HDAC4: variants seen among roughly 807,000 people sequenced by gnomAD.
HDAC4 encodes the protein histone deacetylase 4, also known as histone deacetylase A.
Under a neutral mutation model 135.1 loss-of-function variants are expected in HDAC4, and 16 were observed. The observed-to-expected ratio is 0.12, with a 90% confidence interval of 0.08 to 0.18. The LOEUF is 0.18. Ranked by LOEUF, HDAC4 falls within the 10% of genes least tolerant of loss-of-function variation. HDAC4 has a pLI of 1.00. For missense variants in HDAC4, 1,143 were observed against 1,511.8 expected (o/e 0.76, Z 4.05); for synonymous variants, 685 against 653.4 (o/e 1.05, Z -0.74).
chr2:239,133,489 C>A (rs113070704), intron 11 of HDAC4, among the ~76,000 whole-genome samples: 1 of 152,202 alleles, frequency 6.6e-6, no homozygotes, highest in Non-Finnish European at 1.5e-5. Context: ...ATTTTTGAGA[C>A]GGAGTCTCGC....
At chr2:239,322,382 C>CCTCTGT (rs1345332285) in intron 2 of HDAC4, among the ~76,000 whole-genome samples, 1 of 152,250 alleles carries the variant, frequency 6.6e-6, no homozygotes, top group African/African-American at 2.4e-5. Flanking sequence ...TTTCTCAATG[C>CCTCTGT]CTCTGTTTTC....
At chr2:239,148,916 TG>T (rs1267324947) in intron 7 of HDAC4, among the ~76,000 whole-genome samples, 2 of 151,854 alleles carry the variant, frequency 1.3e-5, no homozygotes, top group African/African-American at 4.8e-5. Context: ...ACTAAGCAAA[TG>T]AAAAAAATGA....
At chr2:239,149,166 C>G (rs920264430) in intron 7 of HDAC4, among the ~76,000 whole-genome samples, 1 of 152,068 alleles carries the variant, frequency 6.6e-6, no homozygotes, top group African/African-American at 2.4e-5. Flanking sequence ...CTTTGGGAGG[C>G]TGAGGCAGGT....
chr2:239,173,131 A>G (rs1034980551), intron 5 of HDAC4, among the ~76,000 whole-genome samples: 8 of 152,210 alleles, frequency 5.3e-5, no homozygotes, highest in Non-Finnish European at 1.0e-4. Context: ...ACAAAAGGAG[A>G]GAGGAATGAT....
intron 15 of HDAC4, among the ~76,000 whole-genome samples, chr2:239,106,532 T>A (rs2038149028): frequency 6.6e-6 from 1 of 152,022 alleles, no homozygotes; most frequent in Non-Finnish European, 1.5e-5. Flanking sequence ...CCTGACCAGA[T>A]CCCTGAAGCA....
At chr2:239,250,684 G>C (rs1035640836) in intron 2 of HDAC4, among the ~76,000 whole-genome samples, 32 of 152,350 alleles carry the variant, frequency 2.1e-4, no homozygotes, top group African/African-American at 6.3e-4. Flanking sequence ...GCCTCTCCAA[G>C]GAGAAGGGGC....
At chr2:239,161,672 C>G (rs2042801298) in intron 6 of HDAC4, 2 of 298,658 alleles carry the variant, frequency 6.7e-6, no homozygotes, top group African/African-American at 2.2e-5. Flanking sequence ...CCCCAGAGCC[C>G]TCTGAGAAGA....
chr2:239,139,710 G>T lies in HDAC4; in HGVS notation c.952C>A (p.Pro318Thr). 1 of 1,614,072 alleles carries T rather than the reference G, an allele frequency of 6.2e-7. No homozygotes were observed. The highest frequency in any genetic ancestry group is 8.5e-7 in the Non-Finnish European group (1 of 1,179,952). Reference sequence around the variant, plus strand: ...TCCGCCGGGATGCTGGGGACGGCGGGCGCGATACCGTTCTCCGCGCTGACG... The same window carrying T: ...TCCGCCGGGATGCTGGGGACGGCGGTCGCGATACCGTTCTCCGCGCTGACG... ...GSVSAENGIA[P>T]AVPSIPAETS... The change falls in exon 9 of 27, where the codon CCC becomes ACC. Residue 318 changes from proline (P) to threonine (T), a missense_variant. Transcript: ENST00000543185. This position sits in a 1 kb window ranked among gnomAD's most constrained non-coding sequence, Gnocchi z 5.3.
intron 9 of HDAC4, among the ~76,000 whole-genome samples, chr2:239,136,710 T>C (rs2040981643): frequency 6.6e-6 from 1 of 152,122 alleles, no homozygotes; most frequent in South Asian, 2.1e-4. Context: ...AAGCAGCCAG[T>C]ATAAAAGTGG....
At chr2:239,184,228 GA>G (rs1415855027) in intron 4 of HDAC4, among the ~76,000 whole-genome samples, 2 of 152,214 alleles carry the variant, frequency 1.3e-5, no homozygotes, top group Non-Finnish European at 2.9e-5. Flanking sequence ...GCAGGAGGGC[GA>G]TGTGCAACCT....
intron 7 of HDAC4, 142 bp from the exon 8 acceptor site, chr2:239,144,856 G>T (rs2041648786): frequency 1.2e-6 from 1 of 815,396 alleles, no homozygotes; most frequent in African/African-American, 1.7e-5. Context: ...AGAGCGCAGG[G>T]AGCTCACGAA....
intron 4 of HDAC4, among the ~76,000 whole-genome samples, chr2:239,182,645 G>A (rs2044226289): frequency 6.6e-6 from 1 of 152,130 alleles, no homozygotes; most frequent in African/African-American, 2.4e-5. Context: ...ATTTATAACA[G>A]ATTATCTGTA....
chr2:239,215,014 T>C (rs2153106286), intron 3 of HDAC4, among the ~76,000 whole-genome samples: 1 of 152,284 alleles, frequency 6.6e-6, no homozygotes, highest in Non-Finnish European at 1.5e-5. Context: ...GCAAGCAGGC[T>C]CTAGGATCTG....
At chr2:239,126,962 G>A (rs1283917276) in intron 11 of HDAC4, among the ~76,000 whole-genome samples, 1 of 152,212 alleles carries the variant, frequency 6.6e-6, no homozygotes, top group African/African-American at 2.4e-5. Flanking sequence ...CAGGAGTCCT[G>A]TGTGGCAGGT....
At chr2:239,395,331 T>C (rs982542943) in intron 1 of HDAC4, among the ~76,000 whole-genome samples, 1 of 152,166 alleles carries the variant, frequency 6.6e-6, no homozygotes, top group African/African-American at 2.4e-5. Context: ...ACAAACCTGC[T>C]TCTGGTGGAA....
Position 239,049,279 on chromosome 2 carries a change from TTTTG to T in HDAC4, c.*3814_*3817del, listed in dbSNP as rs1458981674. 6.6e-6 allele frequency: 1 copy of T among 152,522 alleles called. No homozygotes were observed. The highest frequency in any genetic ancestry group is 1.5e-5 in the Non-Finnish European group (1 of 68,024). The allele number at this position is 152,522 out of a possible 1,614,324, so 9.4% of individuals were successfully genotyped here. On this transcript the variant is annotated 3_prime_UTR_variant, in exon 27 of 27. Coordinates refer to ENST00000543185, the MANE Select transcript of HDAC4 (RefSeq NM_001378414.1). ...TTCCCCGCCCTCCTCTCCTTCAAGG[TTTTG>T]TTTTACAGAAAAATTTCCATCTTTT...
At chr2:239,135,813 G>A (rs893029625) in intron 9 of HDAC4, among the ~76,000 whole-genome samples, 1 of 152,190 alleles carries the variant, frequency 6.6e-6, no homozygotes, top group African/African-American at 2.4e-5. Flanking sequence ...TCTGGGGGTT[G>A]GGAACGATCT....
At chr2:239,399,367 G>A (rs148455382) in intron 1 of HDAC4, among the ~76,000 whole-genome samples, 119 of 152,218 alleles carry the variant, frequency 7.8e-4, no homozygotes, top group African/African-American at 2.3e-3. Flanking sequence ...TTGTGTACAA[G>A]CAGCTGAGTT....
rs984754380 is a variant in HDAC4, at chr2:239,160,640, G to A, written c.611+3163C>T. 3.3e-5 allele frequency among the ~76,000 whole-genome samples: 5 copies of A among 152,360 alleles called. No homozygotes were observed. The South Asian group carries it at 6.2e-4, about 19-fold the overall frequency. The stretch of plus-strand genomic sequence containing the variant: ...CCCCCAAGCTGCTGCAGGCGCCAGC[G>A]GTCCGTTCCTTGTCACTGCGGAGTA... On this transcript the variant is annotated intron_variant, in intron 6 of 26. Transcript: ENST00000543185.
Sources: gnomAD v4.1 joint callset for allele counts (sites outside exome capture counted in the v4.1 genomes callset) on GRCh38, gnomAD v4.1.1 for gene constraint, Gnocchi (gnomAD v3.1) non-coding constraint, MANE v1.5 for transcripts, NCBI Gene and HGNC (gene_info 2026-07-23, HGNC 2026-07-21) for gene names.